TTLL10: variants seen among roughly 807,000 people sequenced by gnomAD.
TTLL10 encodes tubulin tyrosine ligase like 10.
Under a neutral mutation model 69.0 loss-of-function variants are expected in TTLL10, and 61 were observed. The observed-to-expected ratio is 0.88, with a 90% CI of 0.72 to 1.09. The LOEUF (loss-of-function observed/expected upper bound fraction) is 1.09, where lower values mean the gene tolerates loss of function less well. Among genes scored for constraint, TTLL10 ranks in the 50% least tolerant of loss-of-function variants. The probability of loss-of-function intolerance (pLI) is 0.00; values close to 1 mark genes in which losing one functional copy is unlikely to be tolerated. For synonymous variants in TTLL10, 408 were observed against 393.3 expected (o/e 1.04, Z -0.44); for missense variants, 962 against 945.9 (o/e 1.02, Z -0.22).
At chr1:1,179,153 T>C in intron 3 of TTLL10, 36 bp from the exon 4 acceptor site, 1 of 1,376,794 alleles carries the variant, frequency 7.3e-7, no homozygotes, top group East Asian at 2.5e-5. Context: ...CGCGCGGAGG[T>C]CCCACAGGAG....
intron 11 of TTLL10, 77 bp from the exon 12 acceptor site, chr1:1,183,843 C>T: frequency 6.3e-7 from 1 of 1,577,662 alleles, no homozygotes; most frequent in Non-Finnish European, 8.7e-7. Flanking sequence ...TGGAACAGGC[C>T]CGGGGTGGGG....
chr1:1,180,460 A>ACCCCCC, intron 6 of TTLL10, 23 bp from the exon 7 acceptor site: 5 of 1,107,360 alleles, frequency 4.5e-6, no homozygotes, highest in Admixed American at 2.2e-5. Flanking sequence ...CCCCCAGGTC[A>ACCCCCC]CCCCCGCCCC....
chr1:1,179,285 A>G lies in TTLL10; in HGVS notation c.70A>G (p.Arg24Gly). ...CACTCGGACCCGAGCCGGCTTCAAG[A>G]GGGGCAAGAGGCCAAGGATCCAGCA... ...PPTRTRAGFKRGKRPRIQQRP... is the reference protein window; with the variant it reads ...PPTRTRAGFKGGKRPRIQQRP... Residue 24 changes from arginine (R) to glycine (G), a missense_variant, in exon 4 of 16, where the codon AGG becomes GGG. Arg to Gly is a moderately radical substitution (Grantham distance 125). Coordinates refer to ENST00000379289, the MANE Select transcript of TTLL10 (RefSeq NM_001130045.2). 1 of 1,551,150 alleles carries G rather than the reference A, an allele frequency of 6.4e-7. No individual in the cohort carries two copies. Among genetic ancestry groups the G allele is most frequent in the Non-Finnish European group, 8.7e-7 (1 of 1,146,794 alleles).
intron 13 of TTLL10, among the ~76,000 whole-genome samples, chr1:1,189,526 G>A (rs1401612697): frequency 6.6e-6 from 1 of 152,162 alleles, no homozygotes; most frequent in Non-Finnish European, 1.5e-5. Context: ...TTGTGTCTGT[G>A]CTTATAAGCA....
chr1:1,178,335 G>A (rs1437498669), intron 3 of TTLL10, among the ~76,000 whole-genome samples: 7 of 152,108 alleles, frequency 4.6e-5, no homozygotes, highest in Non-Finnish European at 7.4e-5. Flanking sequence ...CGAGGCAGGC[G>A]GATCACCTGA....
At chr1:1,186,092 CT>C (rs200935326) in intron 13 of TTLL10, among the ~76,000 whole-genome samples, 2,563 of 143,614 alleles carry the variant, frequency 0.018, 59 homozygotes, top group African/African-American at 0.056. Flanking sequence ...CTTTTCTTTT[CT>C]TTTTTTTTTT....
At chr1:1,176,722 T>C (rs1646881418) in intron 3 of TTLL10, among the ~76,000 whole-genome samples, 1 of 152,116 alleles carries the variant, frequency 6.6e-6, no homozygotes, top group East Asian at 1.9e-4. Flanking sequence ...TCCCCGGGCC[T>C]CCCCTCTCGC....
At chr1:1,193,771 A>G (rs1648009171) in intron 13 of TTLL10, among the ~76,000 whole-genome samples, 1 of 152,162 alleles carries the variant, frequency 6.6e-6, no homozygotes, top group South Asian at 2.1e-4. Flanking sequence ...GGCTTAGTGT[A>G]GCATTTTAAT....
Position 1,181,782 on chromosome 1 carries a change from C to G in TTLL10, c.797C>G (p.Pro266Arg), listed in dbSNP as rs147471971. 2 of 1,609,148 alleles carry G rather than the reference C, an allele frequency of 1.2e-6. No individual in the cohort carries two copies. Among genetic ancestry groups the G allele is most frequent in the Non-Finnish European group, 1.7e-6 (2 of 1,178,772 alleles). Residue 266 changes from proline (P) to arginine (R), a missense_variant, in exon 9 of 16, where the codon CCG becomes CGG. Coordinates refer to ENST00000379289, the MANE Select transcript of TTLL10 (RefSeq NM_001130045.2). This position sits in a 1 kb window ranked among gnomAD's most constrained non-coding sequence, Gnocchi z 4.6. ...GCAGCGCCCGCCCTGGAGGACCTCC[C>G]GTGGACAAGCCCAGGATACCTCAGG... ...DAAAPALEDLPWTSPGYLRPQ... is the reference protein window; with the variant it reads ...DAAAPALEDLRWTSPGYLRPQ...
chr1:1,179,603 G>T, intron 4 of TTLL10, 54 bp from the exon 5 acceptor site: 1 of 1,549,284 alleles, frequency 6.5e-7, no homozygotes, highest in Admixed American at 2.0e-5. Flanking sequence ...CCTGACAATG[G>T]CCCCTTGGGT....
intron 13 of TTLL10, among the ~76,000 whole-genome samples, chr1:1,194,820 G>A (rs60952966): frequency 0.11 from 16,126 of 152,094 alleles, 1,224 homozygotes; most frequent in African/African-American, 0.22. Flanking sequence ...CTTCTTGAAT[G>A]TGTAGGTTGT....
chr1:1,195,858 T>C (rs1300877175), intron 13 of TTLL10, among the ~76,000 whole-genome samples: 1 of 152,056 alleles, frequency 6.6e-6, no homozygotes, highest in African/African-American at 2.4e-5. Context: ...CCCAGGCTGA[T>C]CTCAGACTCC....
rs956755751 is a variant in TTLL10, at chr1:1,181,961, G to A, written c.830+146G>A. On this transcript the variant is annotated intron_variant, in intron 9 of 15. Transcript: ENST00000379289. This position sits in a 1 kb window ranked among gnomAD's most constrained non-coding sequence, Gnocchi z 4.6. ...CAGAGGTTCAGCCAGGCCAGGCCGA[G>A]ATCCACGCTGACCCCCCAGTGCACA... 1.4e-5 allele frequency: 11 copies of A among 775,110 alleles called. No homozygotes were observed. The Admixed American group carries it at 2.0e-4, about 14-fold the overall frequency. The allele number at this position is 775,110 out of a possible 1,614,324, so 48.0% of individuals were successfully genotyped here. A position where few individuals can be genotyped will look rare whatever the true frequency, so the allele number is the denominator to read the frequency against.
intron 3 of TTLL10, chr1:1,175,652 G>A (rs371060248): frequency 8.8e-6 from 4 of 454,778 alleles, no homozygotes; most frequent in Admixed American, 2.4e-5. Flanking sequence ...TGCAGACTGC[G>A]CAGTGTGTGG....
intron 13 of TTLL10, among the ~76,000 whole-genome samples, chr1:1,189,439 C>T (rs6694487): frequency 0.1 from 15,250 of 152,140 alleles, 872 homozygotes; most frequent in East Asian, 0.15. Flanking sequence ...TGACAAACCC[C>T]GCTTGATGAT....
In TTLL10 at chr1:1,197,478, G is replaced by C. The variant is rs1232408952; in HGVS notation, c.1653G>C (p.Gln551His). ...LETFRKSLRG[Q>H]KMLPLLSQRR... Reference sequence around the variant, plus strand: ...CCTTCCGGAAGAGCCTGCGCGGCCAGAAGATGTTGCCTCTGCTGTCCCAGC... The same window carrying C: ...CCTTCCGGAAGAGCCTGCGCGGCCACAAGATGTTGCCTCTGCTGTCCCAGC... Residue 551 changes from glutamine (Q) to histidine (H), a missense_variant, in exon 16 of 16, where the codon CAG (glutamine) becomes CAC (histidine). Transcript: ENST00000379289. 9.7e-6 allele frequency: 15 copies of C among 1,543,942 alleles called. No homozygotes were observed. Among genetic ancestry groups the C allele is most frequent in the Non-Finnish European group, 1.3e-5 (15 of 1,144,690 alleles).
chr1:1,186,768 AT>A (rs1390487037), intron 13 of TTLL10, among the ~76,000 whole-genome samples: 1 of 151,974 alleles, frequency 6.6e-6, no homozygotes, highest in Non-Finnish European at 1.5e-5. Flanking sequence ...CCAGCTATGT[AT>A]ATTCTTTAGA....
intron 13 of TTLL10, among the ~76,000 whole-genome samples, chr1:1,194,659 C>T (rs747216444): frequency 2.6e-5 from 4 of 152,186 alleles, no homozygotes; most frequent in Admixed American, 2.0e-4. Context: ...ACCTCACGAC[C>T]TCTAATGAGA....
In TTLL10 at chr1:1,180,267, G is replaced by A; in HGVS notation, c.433G>A (p.Gly145Ser). 1 of 1,599,308 alleles carries A rather than the reference G, an allele frequency of 6.3e-7. No homozygotes were observed. The highest frequency in any genetic ancestry group is 8.5e-7 in the Non-Finnish European group (1 of 1,174,132). ...AALLEGLLLG[G>S]GKPSPHSTRP... ...CCTCCTGGAGGGGCTCCTGCTGGGG[G>A]GTGGGAAGCCATCGCCCCACAGCAC... Residue 145 changes from glycine to serine, a missense_variant, in exon 6 of 16, where the codon GGT (glycine) becomes AGT (serine). Transcript: ENST00000379289.
Sources: allele counts gnomAD v4.1 joint callset (sites outside exome capture counted in the v4.1 genomes callset), GRCh38; gene constraint gnomAD v4.1.1; non-coding constraint Gnocchi (gnomAD v3.1); transcripts MANE v1.5; gene names NCBI Gene and HGNC (gene_info 2026-07-23, HGNC 2026-07-21).